ELP4: variants seen among roughly 807,000 people sequenced by gnomAD.
The protein encoded by ELP4 is elongator complex protein 4.
Under a neutral mutation model 48.9 loss-of-function variants are expected in ELP4, and 51 were observed. That is an observed-to-expected ratio of 1.04 (90% CI 0.83 to 1.32). ELP4 has a LOEUF of 1.32. Among genes scored for constraint, ELP4 ranks in the 40% most tolerant of loss-of-function variants. ELP4 has a pLI of 0.00. For synonymous variants in ELP4, 210 were observed against 189.2 expected, an observed-to-expected ratio of 1.11 and a Z score of -0.90; for missense variants, 519 against 514.6, an observed-to-expected ratio of 1.01 and a Z score of -0.08.
intron 5 of ELP4, among the ~76,000 whole-genome samples, chr11:31,620,076 AAAAGAG>A (rs1944587623): frequency 6.6e-6 from 1 of 152,080 alleles, no homozygotes; most frequent in African/African-American, 2.4e-5. Flanking sequence ...CAAAAAAAGA[AAAAGAG>A]AAAGTATGAC....
At chr11:31,626,881 T>C (rs1944756197) in intron 5 of ELP4, among the ~76,000 whole-genome samples, 1 of 151,906 alleles carries the variant, frequency 6.6e-6, no homozygotes, top group African/African-American at 2.4e-5. Context: ...CCACAGGTTT[T>C]TATCTTCCTA....
intron 9 of ELP4, among the ~76,000 whole-genome samples, chr11:31,691,022 T>G (rs1946268380): frequency 2.6e-5 from 4 of 152,092 alleles, no homozygotes; most frequent in Admixed American, 2.0e-4. Flanking sequence ...CAAGGCAAGT[T>G]AGTACAGATA....
intron 6 of ELP4, among the ~76,000 whole-genome samples, chr11:31,627,489 A>C (rs1245223480): frequency 6.6e-6 from 1 of 152,044 alleles, no homozygotes; most frequent in African/African-American, 2.4e-5. Flanking sequence ...CATTTTGAGA[A>C]TTACTTTTAA....
At chr11:31,772,094 C>T (rs1271783227) in intron 9 of ELP4, among the ~76,000 whole-genome samples, 1 of 151,578 alleles carries the variant, frequency 6.6e-6, no homozygotes, top group African/African-American at 2.4e-5. Flanking sequence ...CTTAAAAGCA[C>T]CTCTCACCAC....
chr11:31,523,285 C>T (rs1308043302), intron 2 of ELP4, among the ~76,000 whole-genome samples: 1 of 152,116 alleles, frequency 6.6e-6, no homozygotes, highest in African/African-American at 2.4e-5. Context: ...GATTTTAGTT[C>T]AGTGTTTAGG....
At chr11:31,705,979 A>G (rs577214791) in intron 9 of ELP4, among the ~76,000 whole-genome samples, 97 of 152,240 alleles carry the variant, frequency 6.4e-4, no homozygotes, top group African/African-American at 2.1e-3. Context: ...CAGCCTCCTG[A>G]GTAACTAGGA....
At chr11:31,540,165 A>T (rs1247312359) in intron 3 of ELP4, among the ~76,000 whole-genome samples, 1 of 152,184 alleles carries the variant, frequency 6.6e-6, no homozygotes, top group African/African-American at 2.4e-5. Flanking sequence ...TAATTATAAC[A>T]TCTTCATTTT....
At chr11:31,731,033 C>T (rs1947176038) in intron 9 of ELP4, among the ~76,000 whole-genome samples, 1 of 151,738 alleles carries the variant, frequency 6.6e-6, no homozygotes, top group African/African-American at 2.4e-5. Flanking sequence ...AGAGAAGACA[C>T]ATCAGAGAAA....
chr11:31,682,124 C>T (rs756946347), intron 9 of ELP4: 10 of 1,198,430 alleles, frequency 8.3e-6, no homozygotes, highest in East Asian at 7.8e-5. Flanking sequence ...GTCAGCGTCC[C>T]ATCCAACTAT....
At chr11:31,709,975 CTGTT>C (rs1946706687) in intron 9 of ELP4, among the ~76,000 whole-genome samples, 3 of 152,186 alleles carry the variant, frequency 2.0e-5, no homozygotes, top group South Asian at 2.1e-4. Context: ...CCTCAGCAAA[CTGTT>C]TGTTGCCTTC....
chr11:31,543,515 T>A (rs142818897), intron 3 of ELP4, among the ~76,000 whole-genome samples: 3 of 152,054 alleles, frequency 2.0e-5, no homozygotes, highest in Non-Finnish European at 2.9e-5. Context: ...GAGACGGGGT[T>A]TCACCGTGTT....
chr11:31,744,024 A>T (rs939773924), intron 9 of ELP4, among the ~76,000 whole-genome samples: 17 of 152,208 alleles, frequency 1.1e-4, no homozygotes, highest in Admixed American at 5.9e-4. Flanking sequence ...AAGAGAGAAG[A>T]ATCAAATAGA....
At chr11:31,748,678 A>G (rs1274705784) in intron 9 of ELP4, among the ~76,000 whole-genome samples, 1 of 152,134 alleles carries the variant, frequency 6.6e-6, no homozygotes, top group Non-Finnish European at 1.5e-5. Flanking sequence ...TTACATTATA[A>G]TATGACAGAA....
intron 9 of ELP4, among the ~76,000 whole-genome samples, chr11:31,755,686 CTG>C (rs1947818631): frequency 6.9e-6 from 1 of 145,846 alleles, no homozygotes; most frequent in South Asian, 2.1e-4. Flanking sequence ...CTAGAGGAGA[CTG>C]TGGAGATATA....
chr11:31,552,168 C>G (rs183452717), intron 3 of ELP4, among the ~76,000 whole-genome samples: 89 of 152,234 alleles, frequency 5.8e-4, no homozygotes, highest in Non-Finnish European at 7.6e-4. Flanking sequence ...TTGGTGTTCT[C>G]CTAACTAGCC....
intron 7 of ELP4, among the ~76,000 whole-genome samples, chr11:31,644,612 T>C (rs1945165088): frequency 6.6e-6 from 1 of 151,852 alleles, no homozygotes; most frequent in African/African-American, 2.4e-5. Context: ...TATGCTTTTA[T>C]GGGTTTTTTA....
chr11:31,597,024 GA>G (rs1427319137), intron 4 of ELP4, among the ~76,000 whole-genome samples: 1 of 152,106 alleles, frequency 6.6e-6, no homozygotes, highest in Non-Finnish European at 1.5e-5. Context: ...GGGGGAAGCT[GA>G]TACTCATACT....
intron 5 of ELP4, among the ~76,000 whole-genome samples, chr11:31,623,868 A>T (rs1944681868): frequency 1.2e-5 from 1 of 86,682 alleles, no homozygotes; most frequent in South Asian, 3.8e-4. Context: ...CAATAGCATG[A>T]AAACAAATAA....
At chr11:31,773,157 G>A (rs1948183830) in intron 9 of ELP4, among the ~76,000 whole-genome samples, 1 of 152,318 alleles carries the variant, frequency 6.6e-6, no homozygotes, top group Non-Finnish European at 1.5e-5. Context: ...CAGGCTTGGG[G>A]TTTCTTTGCC....
Sources: gnomAD v4.1 joint callset for allele counts (sites outside exome capture counted in the v4.1 genomes callset) on GRCh38, gnomAD v4.1.1 for gene constraint, MANE v1.5 for transcripts, NCBI Gene and HGNC (gene_info 2026-07-23, HGNC 2026-07-21) for gene names.